RGS6: variants seen among roughly 807,000 people sequenced by gnomAD.
The protein encoded by RGS6 is regulator of G-protein signaling 6.
A neutral mutation model predicts 78.5 loss-of-function variants in RGS6; 30 were observed. That is an observed-to-expected ratio of 0.38 (90% CI 0.29 to 0.52). RGS6 has a LOEUF of 0.52. RGS6 is among the 20% of genes least tolerant of loss of function. The probability of loss-of-function intolerance (pLI) is 0.85; values close to 1 mark genes in which losing one functional copy is unlikely to be tolerated. For synonymous variants in RGS6, 206 were observed against 206.0 expected (o/e 1.00, Z 0.00); for missense variants, 495 against 609.7 (o/e 0.81, Z 1.98).
At chr14:72,367,376 T>A (rs1312334745) in intron 3 of RGS6, among the ~76,000 whole-genome samples, 1 of 152,212 alleles carries the variant, frequency 6.6e-6, no homozygotes, top group Non-Finnish European at 1.5e-5. Context: ...CTCTCTAGCC[T>A]CTGTTTTAAC....
intron 2 of RGS6, among the ~76,000 whole-genome samples, chr14:72,204,412 C>T (rs960464827): frequency 3.9e-5 from 6 of 152,190 alleles, no homozygotes; most frequent in Non-Finnish European, 8.8e-5. Context: ...AAGCTGCCTG[C>T]CATACAGGCT....
upstream of RGS6, among the ~76,000 whole-genome samples, chr14:71,931,447 T>G (rs563946672): frequency 6.6e-6 from 1 of 152,210 alleles, no homozygotes; most frequent in African/African-American, 2.4e-5. Flanking sequence ...TTAATCAATG[T>G]AGAATGGCGG....
At chr14:71,986,118 C>T (rs1035962281) in intron 2 of RGS6, among the ~76,000 whole-genome samples, 4 of 152,178 alleles carry the variant, frequency 2.6e-5, no homozygotes, top group Admixed American at 6.5e-5. Context: ...TCATCCTTTG[C>T]AGTCCTCTTG....
At chr14:72,627,565 T>C in the RGS6 span, among the ~76,000 whole-genome samples, 1 of 152,140 alleles carries the variant, frequency 6.6e-6, no homozygotes, top group Non-Finnish European at 1.5e-5. Context: ...CTTTACAGTA[T>C]GTTTTAATAT....
chr14:72,411,778 C>T (rs913364575), intron 3 of RGS6, among the ~76,000 whole-genome samples: 6 of 151,988 alleles, frequency 3.9e-5, no homozygotes, highest in South Asian at 4.2e-4. Context: ...TAGCATGAAG[C>T]GTTGTTGAAT....
At chr14:72,444,604 G>A (rs2095311272) in intron 3 of RGS6, among the ~76,000 whole-genome samples, 1 of 152,188 alleles carries the variant, frequency 6.6e-6, no homozygotes, top group South Asian at 2.1e-4. Context: ...TCCCAGATCA[G>A]TTTCCAGTTC....
At chr14:72,252,228 A>G (rs2055986176) in intron 2 of RGS6, among the ~76,000 whole-genome samples, 1 of 142,560 alleles carries the variant, frequency 7.0e-6, no homozygotes, top group Non-Finnish European at 1.5e-5. Flanking sequence ...TCTTTGTCAA[A>G]TGTATGTGTG....
At chr14:72,289,651 C>T (rs2152316250) in intron 2 of RGS6, among the ~76,000 whole-genome samples, 1 of 152,296 alleles carries the variant, frequency 6.6e-6, no homozygotes, top group East Asian at 1.9e-4. Flanking sequence ...TGCCCGATAC[C>T]TCTCTGCTAT....
At chr14:72,222,509 T>C (rs2047115797) in intron 2 of RGS6, among the ~76,000 whole-genome samples, 1 of 152,216 alleles carries the variant, frequency 6.6e-6, no homozygotes, top group African/African-American at 2.4e-5. Flanking sequence ...TCAACATGAT[T>C]CTAGAACCTT....
the RGS6 span, among the ~76,000 whole-genome samples, chr14:71,888,418 CAAAA>C: frequency 1.4e-5 from 2 of 143,610 alleles, no homozygotes; most frequent in African/African-American, 5.3e-5. Flanking sequence ...AGCTCTGTCT[CAAAA>C]AAAAAAAAAA....
chr14:71,972,791 G>C (rs1361651025), intron 2 of RGS6, among the ~76,000 whole-genome samples: 1 of 152,186 alleles, frequency 6.6e-6, no homozygotes, highest in East Asian at 1.9e-4. Context: ...GTGTTTGAGA[G>C]ATGTTTAGGA....
At chr14:72,084,994 A>G (rs1228736368) in intron 2 of RGS6, among the ~76,000 whole-genome samples, 1 of 152,164 alleles carries the variant, frequency 6.6e-6, no homozygotes, top group Non-Finnish European at 1.5e-5. Flanking sequence ...TGCAGGGGAA[A>G]TCTGCTACGT....
At chr14:71,980,396 G>A (rs1192575362) in intron 2 of RGS6, among the ~76,000 whole-genome samples, 1 of 151,242 alleles carries the variant, frequency 6.6e-6, no homozygotes, top group African/African-American at 2.4e-5. Flanking sequence ...GCAGCGGCTG[G>A]TACCGGTTGT....
intron 2 of RGS6, among the ~76,000 whole-genome samples, chr14:72,065,724 T>C (rs1224718241): frequency 6.6e-6 from 1 of 152,238 alleles, no homozygotes; most frequent in Non-Finnish European, 1.5e-5. Flanking sequence ...AAGTCATTTG[T>C]ACATGAATTG....
At chr14:72,109,807 G>A (rs919474915) in intron 2 of RGS6, among the ~76,000 whole-genome samples, 1 of 152,146 alleles carries the variant, frequency 6.6e-6, no homozygotes, top group East Asian at 1.9e-4. Flanking sequence ...TTGAAATGCT[G>A]TGTATAACAA....
At chr14:72,427,327 A>T (rs2153139623) in intron 3 of RGS6, among the ~76,000 whole-genome samples, 1 of 152,318 alleles carries the variant, frequency 6.6e-6, no homozygotes, top group East Asian at 1.9e-4. Flanking sequence ...ATAGGTATGT[A>T]TGTATAGAAA....
intron 2 of RGS6, among the ~76,000 whole-genome samples, chr14:72,238,892 C>T (rs773738802): frequency 4.6e-5 from 7 of 152,276 alleles, no homozygotes; most frequent in East Asian, 1.9e-4. Flanking sequence ...GTCCCCCATC[C>T]GTGGTTTAGG....
At chr14:72,119,521 AT>A (rs2095994860) in intron 2 of RGS6, among the ~76,000 whole-genome samples, 1 of 152,222 alleles carries the variant, frequency 6.6e-6, no homozygotes, top group South Asian at 2.1e-4. Flanking sequence ...TGCAAGTTTT[AT>A]TCTTTCTGTG....
chr14:71,883,461 A>T, the RGS6 span, among the ~76,000 whole-genome samples: 1 of 152,288 alleles, frequency 6.6e-6, no homozygotes, highest in Admixed American at 6.5e-5. Context: ...TCCAGCTCCA[A>T]ATTACCTGTC....
Sources: gnomAD v4.1 joint callset for allele counts (sites outside exome capture counted in the v4.1 genomes callset) on GRCh38, gnomAD v4.1.1 for gene constraint, MANE v1.5 for transcripts, NCBI Gene and HGNC (gene_info 2026-07-23, HGNC 2026-07-21) for gene names.